Variants in SLC52A1 observed in about 807,000 individuals in gnomAD.
The protein encoded by SLC52A1 is solute carrier family 52 member 1, also known as solute carrier family 52, riboflavin transporter, member 1.
In SLC52A1, 20 loss-of-function variants were observed where a neutral mutation model predicts 23.2. That is an observed-to-expected ratio of 0.86 (90% CI 0.61 to 1.25). The LOEUF (loss-of-function observed/expected upper bound fraction) is 1.25. Ranked by LOEUF, SLC52A1 falls within the 50% of genes most tolerant of loss-of-function variation. SLC52A1 has a pLI of 0.00. For missense variants in SLC52A1, 528 were observed against 557.0 expected, an observed-to-expected ratio of 0.95 and a Z score of 0.52; for synonymous variants, 260 against 256.6, an observed-to-expected ratio of 1.01 and a Z score of -0.13.
chr17:5,034,013 CA>C lies in SLC52A1; in HGVS notation c.475del (p.Cys159ValfsTer5). ...CACACCTTGCACTAGGGCCAGCACA[CA>C]GGGGAGTAGGGCACTGAGACCCTGA... is the stretch of plus-strand genomic sequence containing the variant. ...LGQGLSALLP[C>X]VLALVQGVGR... On this transcript the variant is annotated frameshift_variant, in exon 3 of 5. Coordinates refer to ENST00000254853, the MANE Select transcript of SLC52A1 (RefSeq NM_017986.4). LOFTEE classifies it high-confidence loss of function. 3 of 1,613,982 alleles carry C rather than the reference CA, an allele frequency of 1.9e-6. No homozygotes were observed. Among genetic ancestry groups the C allele is most frequent in the Non-Finnish European group, 1.7e-6 (2 of 1,179,914 alleles).
chr17:5,037,401 C>T (rs765776752), upstream of SLC52A1, among the ~76,000 whole-genome samples: 1 of 151,966 alleles, frequency 6.6e-6, no homozygotes, highest in Non-Finnish European at 1.5e-5. Context: ...CGCCTGTAAT[C>T]CCAGCTACTC....
upstream of SLC52A1, among the ~76,000 whole-genome samples, chr17:5,037,093 G>A (rs901937638): frequency 3.9e-5 from 6 of 152,140 alleles, no homozygotes; most frequent in African/African-American, 1.2e-4. Flanking sequence ...AGGCTGCAAT[G>A]AGCCATGATT....
upstream of SLC52A1, among the ~76,000 whole-genome samples, chr17:5,038,404 T>A (rs4239053): frequency 0.67 from 100,577 of 149,960 alleles, 34,759 homozygotes; most frequent in African/African-American, 0.82. Flanking sequence ...AAAAAAAAAA[T>A]AGTAAAATAA....
At position 5,034,235 on chromosome 17, in the gene SLC52A1, T is replaced by C; in HGVS notation, c.254A>G (p.Gln85Arg). 6.2e-7 allele frequency: 1 copy of C among 1,613,636 alleles called. No homozygotes were observed. The highest frequency in any genetic ancestry group is 2.2e-5 in the East Asian group (1 of 44,880). The change falls in exon 3 of 5, where the codon CAG (glutamine) becomes CGG (arginine). Residue 85 changes from glutamine (Q) to arginine (R), a missense_variant. Physicochemically the swap from Gln to Arg is conservative, Grantham distance 43. Coordinates refer to ENST00000254853, the MANE Select transcript of SLC52A1 (RefSeq NM_017986.4). Reference sequence around the variant, plus strand: ...GGCTGTGCCCACTACACTCAGCACCTGTACCACCTGGATGGGGACCTGCTC... The same window carrying C: ...GGCTGTGCCCACTACACTCAGCACCCGTACCACCTGGATGGGGACCTGCTC... The part of the protein sequence containing the change: ...KGEQVPIQVV[Q>R]VLSVVGTALL...
upstream of SLC52A1, among the ~76,000 whole-genome samples, chr17:5,039,989 G>A (rs978856818): frequency 2.6e-5 from 4 of 152,122 alleles, no homozygotes; most frequent in South Asian, 2.1e-4. Context: ...TCAAGGAGCC[G>A]GCTATAAATG....
chr17:5,037,919 T>TTC (rs1567736834), upstream of SLC52A1, among the ~76,000 whole-genome samples: 5 of 142,700 alleles, frequency 3.5e-5, no homozygotes, highest in African/African-American at 5.2e-5. Context: ...CCTTCCTTTT[T>TTC]TTTTTTTTTT....
At chr17:5,039,436 G>A (rs1975519110), upstream of SLC52A1, among the ~76,000 whole-genome samples, 1 of 152,126 alleles carries the variant, frequency 6.6e-6, no homozygotes, top group African/African-American at 2.4e-5. Flanking sequence ...TAACGTAGGT[G>A]ATCACCTCAC....
At chr17:5,038,763 AT>A (rs775810048), upstream of SLC52A1, among the ~76,000 whole-genome samples, 26 of 151,274 alleles carry the variant, frequency 1.7e-4, no homozygotes, top group Non-Finnish European at 3.4e-4. Flanking sequence ...ATTTTTTTGT[AT>A]TTTTTAGTAG....
rs775962188 is a variant in SLC52A1 at position 5,033,136 on chromosome 17, A to G, written c.1168T>C (p.Ser390Pro). The change falls in exon 5 of 5, where the codon TCA (serine) becomes CCA (proline). Residue 390 changes from serine (S) to proline (P), a missense_variant. Transcript: ENST00000254853. ...LSWVLCLCVF[S>P]YVKVAASSLL... ...GAGCTTGCAGCCACCTTCACATATG[A>G]GAACACACACAGACACAGCACCCAC... 23 of 1,613,868 alleles carry G rather than the reference A, an allele frequency of 1.4e-5. No individual in the cohort carries two copies. In the South Asian group the frequency reaches 2.4e-4, roughly 17 times the overall value.
Position 5,034,889 on chromosome 17 carries a change from C to T in SLC52A1, c.-136G>A. 1 of 341,904 alleles carries T rather than the reference C, an allele frequency of 2.9e-6. No individual in the cohort carries two copies. Among genetic ancestry groups the T allele is most frequent in the Non-Finnish European group, 5.6e-6 (1 of 178,618 alleles). The allele number at this position is 341,904 out of a possible 1,614,324, so 21.2% of individuals were successfully genotyped here. ...GGGGCACCGGCTGTGCGTTTGGGTA[C>T]AGCGACCCAGCAGTGCCGGCAGGCA... On this transcript the variant is annotated 5_prime_UTR_variant, in exon 1 of 5. Transcript: ENST00000254853.
upstream of SLC52A1, chr17:5,035,579 T>TCCGGCAGTCCCCGGAC (rs1366028476): frequency 5.3e-5 from 8 of 152,198 alleles, no homozygotes; most frequent in Non-Finnish European, 1.2e-4. Flanking sequence ...CACCTCCGGA[T>TCCGGCAGTCCCCGGAC]CCGGCAGTCC....
intron 1 of SLC52A1, among the ~76,000 whole-genome samples, chr17:5,042,298 CCT>C (rs1487941768): frequency 2.6e-5 from 4 of 152,110 alleles, no homozygotes; most frequent in African/African-American, 4.8e-5. Flanking sequence ...CTCTTGAACC[CCT>C]GTCCCACTTC....
chr17:5,036,811 C>T (rs1975471034), upstream of SLC52A1, among the ~76,000 whole-genome samples: 1 of 152,022 alleles, frequency 6.6e-6, no homozygotes, highest in African/African-American at 2.4e-5. Flanking sequence ...GACAGGTTTT[C>T]ACATATTTAT....
chr17:5,034,486 G>T lies in SLC52A1; in HGVS notation c.121C>A (p.Leu41Ile). The T allele has an allele frequency of 6.2e-7, 1 of 1,614,208 alleles. No individual in the cohort carries two copies. Among genetic ancestry groups the T allele is most frequent in the East Asian group, 2.2e-5 (1 of 44,888 alleles). Residue 41 changes from leucine (L) to isoleucine (I), a missense_variant, in exon 2 of 5, where the codon CTT (leucine) becomes ATT (isoleucine). By Grantham distance (5) the Leu-to-Ile change is conservative. Coordinates refer to ENST00000254853, the MANE Select transcript of SLC52A1 (RefSeq NM_017986.4). ...CCTCCCTCCCACTCACCCTCTGGAA[G>T]GTCTTTTACCACCACAGGCAGCTCC... ...WVELPVVVKD[L>I]PEGWSLPSYL...
At chr17:5,040,899 C>A (rs1975536669) in intron 1 of SLC52A1, among the ~76,000 whole-genome samples, 1 of 150,178 alleles carries the variant, frequency 6.7e-6, no homozygotes, top group Admixed American at 6.6e-5. Flanking sequence ...GGGTTCACGC[C>A]ATTCTTCTGC....
chr17:5,033,406 T>C (rs1567734370), intron 3 of SLC52A1, 22 bp from the exon 4 acceptor site: 1 of 1,613,792 alleles, frequency 6.2e-7, no homozygotes, highest in Non-Finnish European at 8.5e-7. Flanking sequence ...GAGCAGAGAC[T>C]CAGGGCTGGC....
chr17:5,037,697 C>T (rs180840138), upstream of SLC52A1, among the ~76,000 whole-genome samples: 10 of 152,262 alleles, frequency 6.6e-5, no homozygotes, highest in Admixed American at 2.0e-4. Context: ...TGGCCATTTA[C>T]AGAACAAGTT....
upstream of SLC52A1, among the ~76,000 whole-genome samples, chr17:5,039,695 C>T (rs561334556): frequency 6.6e-6 from 1 of 152,274 alleles, no homozygotes; most frequent in East Asian, 1.9e-4. Context: ...TGGTCTCGAA[C>T]TCCTGACCTC....
In SLC52A1 at chr17:5,033,257, T is replaced by G; in HGVS notation, c.1134+4A>C. The G allele has an allele frequency of 1.9e-6, 3 of 1,613,628 alleles. No homozygotes were observed. Among genetic ancestry groups the G allele is most frequent in the Non-Finnish European group, 2.5e-6 (3 of 1,179,696 alleles). On this transcript the variant is annotated splice_donor_region_variant and intron_variant, in intron 4 of 4. Transcript: ENST00000254853. ...CTCCCCACTTCATGTCTCCACTTGCTCACCACAAGGACCACCCCTGCAGTG... is the reference window on the plus strand; with the variant it reads ...CTCCCCACTTCATGTCTCCACTTGCGCACCACAAGGACCACCCCTGCAGTG...
Sources: allele counts gnomAD v4.1 joint callset (sites outside exome capture counted in the v4.1 genomes callset), GRCh38; gene constraint gnomAD v4.1.1; transcripts MANE v1.5; gene names NCBI Gene and HGNC (gene_info 2026-07-23, HGNC 2026-07-21).